Variants in UXS1 observed in about 807,000 individuals in gnomAD.
UXS1 encodes the protein UDP-glucuronic acid decarboxylase 1.
In UXS1, 33 loss-of-function variants were observed where a neutral mutation model predicts 62.6. That is an observed-to-expected ratio of 0.53 (90% CI 0.40 to 0.70). The LOEUF (loss-of-function observed/expected upper bound fraction) is 0.70, where lower values mean the gene tolerates loss of function less well. Among genes scored for constraint, UXS1 ranks in the 30% least tolerant of loss-of-function variants. The pLI, the probability that UXS1 is intolerant of heterozygous loss-of-function variation, is 0.00. For synonymous variants in UXS1, 213 were observed against 206.8 expected (o/e 1.03, Z -0.26); for missense variants, 434 against 556.3 (o/e 0.78, Z 2.21).
intron 1 of UXS1, among the ~76,000 whole-genome samples, chr2:106,192,414 C>G (rs981130054): frequency 2.0e-5 from 3 of 152,094 alleles, no homozygotes; most frequent in Non-Finnish European, 4.4e-5. Flanking sequence ...ATTAGCCGGG[C>G]GTGGTGGCGG....
chr2:106,097,621 C>G, intron 13 of UXS1: 2 of 219,106 alleles, frequency 9.1e-6, no homozygotes, highest in South Asian at 1.6e-4. Context: ...ACCTGAAGAG[C>G]CTGTCAACAG....
At chr2:106,113,549 A>G (rs1416532401) in intron 9 of UXS1, among the ~76,000 whole-genome samples, 1 of 152,266 alleles carries the variant, frequency 6.6e-6, no homozygotes, top group Admixed American at 6.5e-5. Context: ...GCATACTTGA[A>G]TAACAAAAGC....
chr2:106,108,894 TGTA>T (rs1177633830), intron 10 of UXS1, among the ~76,000 whole-genome samples: 2 of 152,112 alleles, frequency 1.3e-5, no homozygotes, highest in Non-Finnish European at 2.9e-5. Context: ...CCTTGTAAAA[TGTA>T]GTTTTGACAA....
At position 106,094,177 on chromosome 2, in the gene UXS1, GA is replaced by G; in HGVS notation, c.1147-21del. On this transcript the variant is annotated intron_variant, in intron 14 of 14. Transcript: ENST00000283148. The stretch of plus-strand genomic sequence containing the variant: ...CGGGACCTGTTTAAAGGGAAAGCAA[GA>G]AAGGGAGACAAGGTCACATTGACAG... 1 of 1,549,146 alleles carries G rather than the reference GA, an allele frequency of 6.5e-7. No individual in the cohort carries two copies. Among genetic ancestry groups the G allele is most frequent in the Non-Finnish European group, 8.7e-7 (1 of 1,147,918 alleles).
intron 1 of UXS1, among the ~76,000 whole-genome samples, chr2:106,180,242 A>C (rs1237976714): frequency 6.6e-6 from 1 of 152,258 alleles, no homozygotes; most frequent in East Asian, 1.9e-4. Context: ...ACAACCAGTA[A>C]CCCACGGGAA....
intron 11 of UXS1, chr2:106,102,757 T>TA (rs1677700759): frequency 6.6e-6 from 1 of 152,138 alleles, no homozygotes; most frequent in South Asian, 2.1e-4. Context: ...GCTCAGTTCC[T>TA]AAAAAATTGC....
intron 5 of UXS1, among the ~76,000 whole-genome samples, chr2:106,148,263 G>A (rs536688675): frequency 1.1e-3 from 167 of 152,294 alleles, no homozygotes; most frequent in African/African-American, 3.2e-3. Flanking sequence ...GAAATTCAAA[G>A]TTGACTCACC....
At chr2:106,173,400 A>C (rs1253886741) in intron 1 of UXS1, among the ~76,000 whole-genome samples, 2 of 152,174 alleles carry the variant, frequency 1.3e-5, no homozygotes, top group Non-Finnish European at 2.9e-5. Flanking sequence ...AAAAAAATAC[A>C]AAAATTAGCT....
At chr2:106,108,497 C>T (rs778746430) in intron 10 of UXS1, among the ~76,000 whole-genome samples, 78 of 152,184 alleles carry the variant, frequency 5.1e-4, no homozygotes, top group Admixed American at 9.2e-4. Flanking sequence ...GCATGAGTAT[C>T]ACAGGGATCT....
At chr2:106,179,786 A>T (rs942514394) in intron 1 of UXS1, among the ~76,000 whole-genome samples, 2 of 152,184 alleles carry the variant, frequency 1.3e-5, no homozygotes, top group Non-Finnish European at 2.9e-5. Context: ...GCAACCATAG[A>T]TTCATGAGGT....
intron 11 of UXS1, among the ~76,000 whole-genome samples, chr2:106,103,907 C>T (rs554056870): frequency 6.6e-6 from 1 of 152,242 alleles, no homozygotes; most frequent in East Asian, 1.9e-4. Flanking sequence ...ACCTAAGGGT[C>T]CTGGGTAGGT....
chr2:106,194,106 G>A (rs1443659451), intron 1 of UXS1, 42 bp downstream of exon 1: 13 of 1,420,512 alleles, frequency 9.2e-6, no homozygotes, highest in Non-Finnish European at 8.3e-6. Flanking sequence ...CGGCGCCGGG[G>A]AATGAATGGG....
Position 106,101,095 on chromosome 2 carries a change from GC to G in UXS1, c.946del (p.Ala316LeufsTer3). On this transcript the variant is annotated frameshift_variant, in exon 12 of 15. Coordinates refer to ENST00000283148, the MANE Select transcript of UXS1 (RefSeq NM_001253875.2). LOFTEE classifies it high-confidence loss of function. ...GCTGCTGACGTTGCTGTTCATGAGA[GC>G]CACGAGGCCATTCACTAGATCGCTG... ...YVSDLVNGLVALMNSNVSSPV... is the reference protein window; with the variant it reads ...YVSDLVNGLVXLMNSNVSSPV... 2.5e-6 allele frequency: 4 copies of G among 1,613,842 alleles called. No individual in the cohort carries two copies. Among genetic ancestry groups the G allele is most frequent in the Non-Finnish European group, 3.4e-6 (4 of 1,179,888 alleles).
intron 1 of UXS1, among the ~76,000 whole-genome samples, chr2:106,178,797 G>A (rs911423690): frequency 2.3e-4 from 31 of 135,370 alleles, no homozygotes; most frequent in African/African-American, 7.8e-4. Context: ...CATCACCTGC[G>A]GCAAGCTGGG....
rs565401252 is a variant in UXS1, at chr2:106,175,072, G to A, written c.95-8989C>T. 7.2e-5 allele frequency among the ~76,000 whole-genome samples: 11 copies of A among 152,330 alleles called. No homozygotes were observed. In the East Asian group the frequency reaches 2.1e-3, roughly 29 times the overall value. On this transcript the variant is annotated intron_variant, in intron 1 of 14. Transcript: ENST00000283148. ...CAACCTCCATGAAATCCTCAGTGGG[G>A]CAGCGAAGCCTCCTGGAATGTGAAA...
intron 10 of UXS1, 55 bp downstream of exon 10, chr2:106,112,591 G>A (rs1399317923): frequency 1.2e-6 from 2 of 1,600,128 alleles, no homozygotes; most frequent in African/African-American, 2.7e-5. Flanking sequence ...CATCCTTTGT[G>A]AGCTGACTTC....
At chr2:106,104,272 G>T (rs1186192877) in intron 11 of UXS1, among the ~76,000 whole-genome samples, 1 of 152,180 alleles carries the variant, frequency 6.6e-6, no homozygotes, top group Non-Finnish European at 1.5e-5. Context: ...AGAACAGTGG[G>T]TTTATAAGGG....
At chr2:106,139,344 C>G (rs1035495907) in intron 6 of UXS1, among the ~76,000 whole-genome samples, 1 of 152,186 alleles carries the variant, frequency 6.6e-6, no homozygotes, top group African/African-American at 2.4e-5. Context: ...CAGCAGCATT[C>G]CTACCAGAGA....
Position 106,158,123 on chromosome 2 carries a change from AT to A in UXS1, c.231-6del, listed in dbSNP as rs1682592972. 6.4e-7 allele frequency: 1 copy of A among 1,557,572 alleles called. No individual in the cohort carries two copies. The highest frequency in any genetic ancestry group is 8.7e-7 in the Non-Finnish European group (1 of 1,148,868). On this transcript the variant is annotated splice_region_variant and splice_polypyrimidine_tract_variant and intron_variant, in intron 4 of 14. Transcript: ENST00000283148. Reference sequence around the variant, plus strand: ...GGTGGGTATTTCTGGGTAAAGCTGTATAATATAAAGAGATTCAAAAGGAAAA... The same window carrying A: ...GGTGGGTATTTCTGGGTAAAGCTGTAAATATAAAGAGATTCAAAAGGAAAA...
Sources: allele counts gnomAD v4.1 joint callset (sites outside exome capture counted in the v4.1 genomes callset), GRCh38; gene constraint gnomAD v4.1.1; transcripts MANE v1.5; gene names NCBI Gene and HGNC (gene_info 2026-07-23, HGNC 2026-07-21).